Variants in TTN observed in about 807,000 individuals in gnomAD.
TTN encodes the protein titin, also known as connectin.
Under a neutral mutation model 3,223.0 loss-of-function variants are expected in TTN, and 1,525 were observed. The observed-to-expected ratio is 0.47, with a 90% confidence interval of 0.45 to 0.49. The LOEUF (loss-of-function observed/expected upper bound fraction) is 0.49. Among genes scored for constraint, TTN ranks in the 20% least tolerant of loss-of-function variants. TTN has a pLI of 0.00. For synonymous variants in TTN, 14,094 were observed against 15,161.0 expected, an observed-to-expected ratio of 0.93 and a Z score of 5.17; for missense variants, 40,786 against 43,424.0, an observed-to-expected ratio of 0.94 and a Z score of 5.40.
Position 178,565,860 on chromosome 2 carries a change from T to C in TTN, c.80272A>G (p.Met26758Val). Residue 26758 changes from methionine to valine, a missense_variant, in exon 326 of 363, where the codon ATG becomes GTG. Met to Val is a conservative substitution (Grantham distance 21, BLOSUM62 1). Transcript: ENST00000589042. Reference protein sequence around the residue: ...TEGAIYYFRVMAENEFGVGVP... With the variant: ...TEGAIYYFRVVAENEFGVGVP... ...CCAACTCCAAATTCATTTTCAGCCA[T>C]GACTCTGAAGTAATAAATGGCTCCT... is the stretch of plus-strand genomic sequence containing the variant. 3.1e-6 allele frequency: 5 copies of C among 1,613,666 alleles called. No individual in the cohort carries two copies. Among genetic ancestry groups the C allele is most frequent in the Non-Finnish European group, 4.2e-6 (5 of 1,179,658 alleles).
rs1453677441 is a variant in TTN at position 178,542,023 on chromosome 2, C to A, written c.97492+241G>T. On this transcript the variant is annotated intron_variant, in intron 349 of 362. Coordinates refer to ENST00000589042, the MANE Select transcript of TTN (RefSeq NM_001267550.2). Reference sequence around the variant, plus strand: ...TCCATTCCTTTCTTCCTAACTCCCTCCTCTTCTCTTTCATAAGAGTGAAGA... The same window carrying A: ...TCCATTCCTTTCTTCCTAACTCCCTACTCTTCTCTTTCATAAGAGTGAAGA... 1.6e-5 allele frequency: 6 copies of A among 383,798 alleles called. No individual in the cohort carries two copies. In the Middle Eastern group the frequency reaches 4.2e-3, roughly 267 times the overall value. 23.8% of individuals were successfully genotyped at this position (383,798 alleles called of 1,614,324 possible).
chr2:178,538,829 G>C lies in TTN; in HGVS notation c.99000C>G (p.Ser33000Arg). 1 of 1,605,008 alleles carries C rather than the reference G, an allele frequency of 6.2e-7. No homozygotes were observed. The highest frequency in any genetic ancestry group is 8.5e-7 in the Non-Finnish European group (1 of 1,175,282). The change falls in exon 354 of 363, where the codon AGC becomes AGG. Residue 33000 changes from serine (S) to arginine (R), a missense_variant. Coordinates refer to ENST00000589042, the MANE Select transcript of TTN (RefSeq NM_001267550.2). ...AAAGAATCTCAAGTTCTCCTGGTTG[G>C]CTTGGTTTATCTGAAATATTTTAAA... ...VVCKDPFDKP[S>R]QPGELEILSI...
At position 178,584,707 on chromosome 2, in the gene TTN, G is replaced by A; in HGVS notation, c.64934C>T (p.Pro21645Leu). The change falls in exon 310 of 363, where the codon CCT (proline) becomes CTT (leucine). Residue 21645 changes from proline (P) to leucine (L), a missense_variant. Physicochemically the swap from Pro to Leu is moderately conservative, Grantham distance 98. Transcript: ENST00000589042. ...CGCAACCATCTTTGGAGATGTGAGA[G>A]GCTCTGAAATGCCAAATCGGTTTTC... Reference protein sequence around the residue: ...RAENRFGISEPLTSPKMVAQF... With the variant: ...RAENRFGISELLTSPKMVAQF... 6.2e-7 allele frequency: 1 copy of A among 1,613,460 alleles called. No homozygotes were observed. Among genetic ancestry groups the A allele is most frequent in the Non-Finnish European group, 8.5e-7 (1 of 1,179,566 alleles).
rs1406055937 is a variant in TTN at position 178,527,078 on chromosome 2, G to C, written c.107910C>G (p.Thr35970=). The C allele has an allele frequency of 3.7e-6, 6 of 1,613,716 alleles. No individual in the cohort carries two copies. In the South Asian group the frequency reaches 6.6e-5, roughly 18 times the overall value. ...ATCCAAATTCATTCCCTAAACTCAG[G>C]GTATAAAGTCCACCATCTTGTTTCT... The part of the protein sequence containing the change: ...DVQKQDGGLY[T]LSLGNEFGSD... Residue 35970 remains threonine (T), a synonymous_variant, in exon 363 of 363, where the codon ACC becomes ACG. Transcript: ENST00000589042.
chr2:178,533,113 T>C lies in TTN; in HGVS notation c.103502A>G (p.Glu34501Gly), dbSNP rs1369317965. ...AAGGACAGCAGCTTCTCTCAGAGCC[T>C]CTTTAGCTACCTGTGTCAGTGGTAC... The part of the protein sequence containing the change: ...ESVPLTQVAK[E>G]ALREAAVLYK... Residue 34501 changes from glutamate to glycine, a missense_variant, in exon 358 of 363, where the codon GAG becomes GGG. Physicochemically the swap from Glu to Gly is moderately conservative, Grantham distance 98. Transcript: ENST00000589042. The C allele has an allele frequency of 6.2e-7, 1 of 1,613,988 alleles. No individual in the cohort carries two copies. Among genetic ancestry groups the C allele is most frequent in the South Asian group, 1.1e-5 (1 of 91,082 alleles).
In TTN at chr2:178,719,964, G is replaced by A. The variant is rs1422403753; in HGVS notation, c.23659+19C>T. 4 of 1,567,858 alleles carry A rather than the reference G, an allele frequency of 2.6e-6. No homozygotes were observed. The Admixed American group carries it at 5.6e-5, about 22-fold the overall frequency. ...ATCAAGTAAATTGATTTTTTCTCTG[G>A]CTGTGCTTTGCTACTAACCTAGTAC... On this transcript the variant is annotated intron_variant, in intron 81 of 362. Transcript: ENST00000589042.
rs758300381 is a variant in TTN at position 178,549,603 on chromosome 2, C to T, written c.92119G>A (p.Asp30707Asn). ...VNKFGVGRPL[D>N]SDPVVAQIQY... is the part of the protein sequence containing the mutation. ...ATTTGAGCAACCACTGGATCAGAATCAAGTGGCCTGCCAACACCAAACTTG... is the reference window on the plus strand; with the variant it reads ...ATTTGAGCAACCACTGGATCAGAATTAAGTGGCCTGCCAACACCAAACTTG... Residue 30707 changes from aspartate (D) to asparagine (N), a missense_variant, in exon 338 of 363, where the codon GAT becomes AAT. Physicochemically the swap from Asp to Asn is conservative, Grantham distance 23. Coordinates refer to ENST00000589042, the MANE Select transcript of TTN (RefSeq NM_001267550.2). 3 of 1,613,448 alleles carry T rather than the reference C, an allele frequency of 1.9e-6. No individual in the cohort carries two copies. The East Asian group carries it at 6.7e-5, about 36-fold the overall frequency.
rs1237060429 is a variant in TTN at position 178,720,458 on chromosome 2, A to G, written c.23304T>C (p.Asp7768=). ...SLHILNLEAS[D]VGEYHCKATN... The stretch of plus-strand genomic sequence containing the variant: ...TAGCTTTGCAGTGATATTCCCCGAC[A>G]TCGGAGGCTTCAAGATTAAGGATAT... The change falls in exon 80 of 363, where the codon GAT becomes GAC. Residue 7768 remains aspartate (D), a synonymous_variant. Transcript: ENST00000589042. 3 of 1,613,700 alleles carry G rather than the reference A, an allele frequency of 1.9e-6. No homozygotes were observed. Among genetic ancestry groups the G allele is most frequent in the Non-Finnish European group, 2.5e-6 (3 of 1,179,672 alleles).
In TTN at chr2:178,565,945, C is replaced by G. The variant is rs779833666; in HGVS notation, c.80187G>C (p.Ala26729=). 1.2e-6 allele frequency: 2 copies of G among 1,613,496 alleles called. No homozygotes were observed. Among genetic ancestry groups the G allele is most frequent in the Admixed American group, 3.3e-5 (2 of 59,964 alleles). Residue 26729 remains alanine (A), a synonymous_variant, in exon 326 of 363, where the codon GCG becomes GCC. Transcript: ENST00000589042. The part of the protein sequence containing the change: ...VIDKRESTRK[A]YANVSSKCSK... ...TGCATTTACTACTCACATTAGCATA[C>G]GCTTTTCTGGTTGACTCACGTTTGT... is the stretch of plus-strand genomic sequence containing the variant.
intron 47 of TTN, chr2:178,744,637 A>G: frequency 1.1e-6 from 1 of 948,602 alleles, no homozygotes; most frequent in Non-Finnish European, 1.3e-6. Context: ...TGTTATTTAT[A>G]TATAATCTGA....
In TTN at chr2:178,567,513, C is replaced by T; in HGVS notation, c.78619G>A (p.Ala26207Thr). Reference protein sequence around the residue: ...PKFRDTIVVNAGETFRLEADV... With the variant: ...PKFRDTIVVNTGETFRLEADV... ...GCCTCAAGTCTGAATGTTTCTCCAG[C>T]ATTTACCACAATTGTGTCTCTGAAT... Residue 26207 changes from alanine to threonine, a missense_variant, in exon 326 of 363, where the codon GCT (alanine) becomes ACT (threonine). By Grantham distance (58) the Ala-to-Thr change is moderately conservative (BLOSUM62 0). Transcript: ENST00000589042. The T allele has an allele frequency of 6.2e-7, 1 of 1,612,496 alleles. No individual in the cohort carries two copies.
Position 178,781,212 on chromosome 2 carries a change from A to C in TTN, c.3432T>G (p.Ser1144=). The part of the protein sequence containing the change: ...KQTGECKLVI[S]MTFADDAGEY... ...CTCCAGCATCATCAGCAAAAGTCAT[A>C]GAAATCACCAGCTTGCATTCACCGG... is the stretch of plus-strand genomic sequence containing the variant. Residue 1144 remains serine (S), a synonymous_variant, in exon 21 of 363, where the codon TCT becomes TCG. Coordinates refer to ENST00000589042, the MANE Select transcript of TTN (RefSeq NM_001267550.2). The C allele has an allele frequency of 6.2e-7, 1 of 1,614,090 alleles. No individual in the cohort carries two copies. The highest frequency in any genetic ancestry group is 8.5e-7 in the Non-Finnish European group (1 of 1,179,980).
Position 178,563,592 on chromosome 2 carries a change from C to T in TTN, c.82540G>A (p.Val27514Ile), listed in dbSNP as rs745920301. 34 of 1,613,754 alleles carry T rather than the reference C, an allele frequency of 2.1e-5. No individual in the cohort carries two copies. The highest frequency in any genetic ancestry group is 1.6e-4 in the Middle Eastern group (1 of 6,062). Residue 27514 changes from valine (V) to isoleucine (I), a missense_variant, in exon 326 of 363, where the codon GTT becomes ATT. Physicochemically the swap from Val to Ile is conservative, Grantham distance 29. Coordinates refer to ENST00000589042, the MANE Select transcript of TTN (RefSeq NM_001267550.2). This position sits in a 1 kb window ranked among gnomAD's most constrained non-coding sequence, Gnocchi z 4.5. The part of the protein sequence containing the change: ...YILEKRDKEG[V>I]RWTKCNKKTL... ...TTCTTGTTGCACTTGGTCCATCTAA[C>T]GCCTTCCTTATCTCGTTTTTCAAGA... is the stretch of plus-strand genomic sequence containing the variant.
At chr2:178,642,197 A>G (rs1412782333) in intron 219 of TTN, 40 bp downstream of exon 219, 2 of 1,486,294 alleles carry the variant, frequency 1.3e-6, no homozygotes, top group Non-Finnish European at 1.8e-6. Context: ...CATTTTTAAA[A>G]TATACTTAAC....
At position 178,636,112 on chromosome 2, in the gene TTN, A is replaced by G. The variant is rs373963620; in HGVS notation, c.41459T>C (p.Val13820Ala). ...TGGCACAATTCGGCCAGGTTTCTCCACCACAATCTTGCCATCCTTCCTCCA... is the reference window on the plus strand; with the variant it reads ...TGGCACAATTCGGCCAGGTTTCTCCGCCACAATCTTGCCATCCTTCCTCCA... The part of the protein sequence containing the change: ...VVWRKDGKIV[V>A]EKPGRIVPGV... The change falls in exon 226 of 363, where the codon GTG becomes GCG. Residue 13820 changes from valine to alanine, a missense_variant. By Grantham distance (64) the Val-to-Ala change is moderately conservative. Transcript: ENST00000589042. This position sits in a 1 kb window ranked among gnomAD's most constrained non-coding sequence, Gnocchi z 4.3. 4 of 1,613,164 alleles carry G rather than the reference A, an allele frequency of 2.5e-6. No homozygotes were observed. The highest frequency in any genetic ancestry group is 3.4e-6 in the Non-Finnish European group (4 of 1,179,506).
At position 178,554,974 on chromosome 2, in the gene TTN, G is replaced by C; in HGVS notation, c.88485C>G (p.Leu29495=). 1 of 1,613,482 alleles carries C rather than the reference G, an allele frequency of 6.2e-7. No homozygotes were observed. Among genetic ancestry groups the C allele is most frequent in the East Asian group, 2.2e-5 (1 of 44,772 alleles). The change falls in exon 331 of 363, where the codon CTC becomes CTG. Residue 29495 remains leucine, a synonymous_variant. Coordinates refer to ENST00000589042, the MANE Select transcript of TTN (RefSeq NM_001267550.2). ...CGGCATCTTTGATGAGTATAGATGC[G>C]AGGTCCGTGGTATTTTCAACACACA... The part of the protein sequence containing the change: ...ALVCVENTTD[L]ASILIKDADR...
chr2:178,794,448 G>A lies in TTN; in HGVS notation c.1349C>T (p.Ala450Val), dbSNP rs727503706. The A allele has an allele frequency of 1.9e-6, 3 of 1,614,200 alleles. No homozygotes were observed. In the East Asian group the frequency reaches 6.7e-5, roughly 36 times the overall value. ...EPVISAVEQT[A>V]QRTTTTAVHI... is the part of the protein sequence containing the mutation. ...CACAGCAGTCGTGGTTGTCCTCTGA[G>A]CAGTCTGCTCTACAGCGCTGATCAC... Residue 450 changes from alanine (A) to valine (V), a missense_variant, in exon 8 of 363, where the codon GCT (alanine) becomes GTT (valine). Coordinates refer to ENST00000589042, the MANE Select transcript of TTN (RefSeq NM_001267550.2).
intron 281 of TTN, 26 bp downstream of exon 281, chr2:178,604,682 A>G (rs566620110): frequency 1.3e-6 from 2 of 1,571,374 alleles, no homozygotes; most frequent in South Asian, 2.4e-5. Context: ...TTTAATGTGT[A>G]TAAGAAAATA....
chr2:178,730,116 C>T lies in TTN; in HGVS notation c.18284G>A (p.Ser6095Asn). 2.7e-6 allele frequency: 4 copies of T among 1,506,578 alleles called. No individual in the cohort carries two copies. Among genetic ancestry groups the T allele is most frequent in the Non-Finnish European group, 3.6e-6 (4 of 1,114,600 alleles). 93.3% of individuals were successfully genotyped at this position (1,506,578 alleles called of 1,614,324 possible). A position where few individuals can be genotyped will look rare whatever the true frequency, so the allele number is the denominator to read the frequency against. ...QLSNDVGTAT[S>N]KATLFVKEPP... is the part of the protein sequence containing the mutation. Reference sequence around the variant, plus strand: ...ACCTTTTACAAAGAGAGTGGCTTTGCTGGTTGCTGTGCCAACATCATTGCT... The same window carrying T: ...ACCTTTTACAAAGAGAGTGGCTTTGTTGGTTGCTGTGCCAACATCATTGCT... Residue 6095 changes from serine (S) to asparagine (N), a missense_variant, in exon 62 of 363, where the codon AGC (serine) becomes AAC (asparagine). Ser to Asn is a conservative substitution (Grantham distance 46). Coordinates refer to ENST00000589042, the MANE Select transcript of TTN (RefSeq NM_001267550.2).
Sources: allele counts gnomAD v4.1 joint callset, GRCh38; gene constraint gnomAD v4.1.1; non-coding constraint Gnocchi (gnomAD v3.1); transcripts MANE v1.5; gene names NCBI Gene and HGNC (gene_info 2026-07-23, HGNC 2026-07-21).